The following CASP9 variants were observed in gnomAD, a reference collection of about 807,000 sequenced individuals.
The protein encoded by CASP9 is caspase-9.
CASP9 carries 29 observed loss-of-function variants against 43.5 expected under a neutral mutation model. The observed-to-expected ratio is 0.67, with a 90% confidence interval of 0.50 to 0.91. The LOEUF (loss-of-function observed/expected upper bound fraction) is 0.91, where lower values mean the gene tolerates loss of function less well. Among genes scored for constraint, CASP9 ranks in the 40% least tolerant of loss-of-function variants. The pLI, the probability that CASP9 is intolerant of heterozygous loss-of-function variation, is 0.00. For missense variants in CASP9, 575 were observed against 537.4 expected (o/e 1.07, Z -0.69); for synonymous variants, 206 against 211.9 (o/e 0.97, Z 0.24).
intron 2 of CASP9, among the ~76,000 whole-genome samples, chr1:15,514,236 C>G (rs1570863252): frequency 6.6e-6 from 1 of 152,316 alleles, no homozygotes; most frequent in South Asian, 2.1e-4. Context: ...TGTCTCTAGA[C>G]ATTGTCAAAT....
Position 15,492,277 on chromosome 1 carries a change from C to T in CASP9, c.*666G>A, listed in dbSNP as rs75093591. 1.3e-5 allele frequency: 2 copies of T among 152,110 alleles called. No individual in the cohort carries two copies. The highest frequency in any genetic ancestry group is 2.9e-5 in the Non-Finnish European group (2 of 68,022). 9.4% of individuals were successfully genotyped at this position (152,110 alleles called of 1,614,324 possible). On this transcript the variant is annotated 3_prime_UTR_variant, in exon 9 of 9. Transcript: ENST00000333868. ...GGGAAGAAATAGGCAAAAGAGAGTCCATATTTGCCTCAGATTTATTTTTTA... is the reference window on the plus strand; with the variant it reads ...GGGAAGAAATAGGCAAAAGAGAGTCTATATTTGCCTCAGATTTATTTTTTA...
intron 2 of CASP9, among the ~76,000 whole-genome samples, chr1:15,508,304 T>C (rs1709601914): frequency 6.6e-6 from 1 of 152,230 alleles, no homozygotes; most frequent in South Asian, 2.1e-4. Flanking sequence ...CTACTGATGA[T>C]ACAGGAGACA....
chr1:15,507,050 C>T lies in CASP9; in HGVS notation c.479G>A (p.Cys160Tyr). 2 of 1,614,190 alleles carry T rather than the reference C, an allele frequency of 1.2e-6. No homozygotes were observed. The highest frequency in any genetic ancestry group is 1.7e-6 in the Non-Finnish European group (2 of 1,180,022). Reference protein sequence around the residue: ...DLAYILSMEPCGHCLIINNVN... With the variant: ...DLAYILSMEPYGHCLIINNVN... Reference sequence around the variant, plus strand: ...ATTGTTGATAATGAGGCAGTGGCCACAGGGCTCCATGCTCAGGATGTAAGC... The same window carrying T: ...ATTGTTGATAATGAGGCAGTGGCCATAGGGCTCCATGCTCAGGATGTAAGC... The change falls in exon 4 of 9, where the codon TGT becomes TAT. Residue 160 changes from cysteine (C) to tyrosine (Y), a missense_variant. By Grantham distance (194) the Cys-to-Tyr change is radical. Coordinates refer to ENST00000333868, the MANE Select transcript of CASP9 (RefSeq NM_001229.5).
rs1055478906 is a variant in CASP9, at chr1:15,492,301, T to C, written c.*642A>G. The C allele has an allele frequency of 2.6e-5, 4 of 152,212 alleles. No individual in the cohort carries two copies. The highest frequency in any genetic ancestry group is 5.9e-5 in the Non-Finnish European group (4 of 68,022). 9.4% of individuals were successfully genotyped at this position (152,212 alleles called of 1,614,324 possible). A position where few individuals can be genotyped will look rare whatever the true frequency, so the allele number is the denominator to read the frequency against. ...CCATATTTGCCTCAGATTTATTTTT[T>C]AAAATTAATGCAATATAGGAAAAAT... On this transcript the variant is annotated 3_prime_UTR_variant, in exon 9 of 9. Coordinates refer to ENST00000333868, the MANE Select transcript of CASP9 (RefSeq NM_001229.5).
chr1:15,497,790 A>G (rs1709167445), intron 6 of CASP9, among the ~76,000 whole-genome samples: 1 of 152,238 alleles, frequency 6.6e-6, no homozygotes, highest in Non-Finnish European at 1.5e-5. Flanking sequence ...GCAGAAATAG[A>G]AAATCTATCC....
chr1:15,495,910 C>T (rs1459654428), intron 6 of CASP9, among the ~76,000 whole-genome samples: 2 of 152,172 alleles, frequency 1.3e-5, no homozygotes, highest in African/African-American at 2.4e-5. Flanking sequence ...TGTTACCTTA[C>T]GTAAAAATGC....
intron 5 of CASP9, among the ~76,000 whole-genome samples, chr1:15,505,412 GA>G (rs1264663608): frequency 6.6e-6 from 1 of 152,162 alleles, no homozygotes; most frequent in Non-Finnish European, 1.5e-5. Flanking sequence ...TTTGTCAAGA[GA>G]AACTAGAAAT....
intron 5 of CASP9, 109 bp from the exon 6 acceptor site, chr1:15,504,867 G>T: frequency 9.3e-7 from 1 of 1,073,788 alleles, no homozygotes; most frequent in Non-Finnish European, 1.4e-6. Flanking sequence ...AAAGCCAGGG[G>T]CACGAGGCTG....
intron 8 of CASP9, chr1:15,493,502 T>C: frequency 7.5e-7 from 1 of 1,332,960 alleles, no homozygotes; most frequent in African/African-American, 1.5e-5. Context: ...AAGGAGGGGT[T>C]CACAATTCTT....
At chr1:15,524,735 ACCGCC>A, upstream of CASP9, 1 of 986,116 alleles carries the variant, frequency 1.0e-6, no homozygotes, top group Non-Finnish European at 1.2e-6. Context: ...TTCTGGGGTC[ACCGCC>A]TGTCCCCAGA....
intron 6 of CASP9, 63 bp from the exon 7 acceptor site, chr1:15,495,515 T>G: frequency 7.1e-7 from 1 of 1,404,468 alleles, no homozygotes; most frequent in Non-Finnish European, 9.5e-7. Flanking sequence ...TGGTTCAACA[T>G]ATGAAAGTCG....
chr1:15,497,259 CA>C (rs1205403563), intron 6 of CASP9, among the ~76,000 whole-genome samples: 1 of 145,540 alleles, frequency 6.9e-6, no homozygotes, highest in Non-Finnish European at 1.5e-5. Context: ...TGCAGTGAGT[CA>C]AGATCGTGCC....
rs181542637 is a variant in CASP9 at position 15,501,525 on chromosome 1, C to T, written c.868+3086G>A. Among the ~76,000 whole-genome samples the T allele has an allele frequency of 2.8e-3, 427 of 152,030 alleles. 3 individuals are homozygous for T. The highest frequency in any genetic ancestry group is 9.5e-3 in the African/African-American group (395 of 41,470). ...GGTGTTCTGATGCATGTAAACAGACCCCTCGCCAGGCACTAGTGAAGAACG... is the reference window on the plus strand; with the variant it reads ...GGTGTTCTGATGCATGTAAACAGACTCCTCGCCAGGCACTAGTGAAGAACG... On this transcript the variant is annotated intron_variant, in intron 6 of 8. Transcript: ENST00000333868.
chr1:15,520,594 G>C (rs1255211794), intron 1 of CASP9, among the ~76,000 whole-genome samples: 2 of 152,246 alleles, frequency 1.3e-5, no homozygotes, highest in Admixed American at 1.3e-4. Flanking sequence ...AGGGCCGCTT[G>C]AGGGCTCCTT....
chr1:15,493,781 C>T (rs1299911627), intron 8 of CASP9, 111 bp downstream of exon 8: 2 of 1,536,476 alleles, frequency 1.3e-6, no homozygotes, highest in Admixed American at 3.9e-5. Flanking sequence ...AGTCTACTAC[C>T]TTTTACCCTT....
chr1:15,516,481 TAAA>T (rs61079693), intron 2 of CASP9, among the ~76,000 whole-genome samples: 42 of 148,520 alleles, frequency 2.8e-4, no homozygotes, highest in African/African-American at 3.0e-4. Flanking sequence ...TTGCCTCAAT[TAAA>T]AAAAAAAAAA....
intron 2 of CASP9, among the ~76,000 whole-genome samples, chr1:15,517,289 A>G (rs1426483913): frequency 6.6e-6 from 1 of 152,188 alleles, no homozygotes; most frequent in Non-Finnish European, 1.5e-5. Flanking sequence ...ATGAATTTCA[A>G]AGATACAATG....
At chr1:15,513,550 C>T (rs534618816) in intron 2 of CASP9, among the ~76,000 whole-genome samples, 4 of 152,060 alleles carry the variant, frequency 2.6e-5, no homozygotes, top group South Asian at 2.1e-4. Context: ...TCTAAAGCAC[C>T]GTGTTCAGCT....
Position 15,506,098 on chromosome 1 carries a change from G to A in CASP9, c.631-19C>T. 6.3e-7 allele frequency: 1 copy of A among 1,576,078 alleles called. No individual in the cohort carries two copies. Among genetic ancestry groups the A allele is most frequent in the Non-Finnish European group, 8.7e-7 (1 of 1,145,596 alleles). On this transcript the variant is annotated intron_variant, in intron 4 of 8. Transcript: ENST00000333868. ...CCATTTTCTACAAGAGAGGGCTGCA[G>A]GTGAGCCAGAAGCACGGATAGGTCT...
Sources: gnomAD v4.1 joint callset for allele counts (sites outside exome capture counted in the v4.1 genomes callset) on GRCh38, gnomAD v4.1.1 for gene constraint, MANE v1.5 for transcripts, NCBI Gene and HGNC (gene_info 2026-07-23, HGNC 2026-07-21) for gene names.